Variants in TAFA1 observed in about 807,000 individuals in gnomAD.
TAFA1 encodes TAFA chemokine like family member 1, also known as chemokine-like protein TAFA-1.
Under a neutral mutation model 18.5 loss-of-function variants are expected in TAFA1, and 4 were observed. The ratio of observed to expected loss-of-function variants is 0.22; its 90% CI spans 0.11 to 0.49. TAFA1 has a LOEUF of 0.49. Among genes scored for constraint, TAFA1 ranks in the 20% least tolerant of loss-of-function variants. TAFA1 has a pLI of 0.98. For synonymous variants in TAFA1, 56 were observed against 55.2 expected (o/e 1.01, Z -0.06); for missense variants, 147 against 169.0 (o/e 0.87, Z 0.72).
chr3:68,122,865 T>G (rs2065417955), intron 2 of TAFA1, among the ~76,000 whole-genome samples: 1 of 151,688 alleles, frequency 6.6e-6, no homozygotes, highest in Admixed American at 6.6e-5. Flanking sequence ...TTTTTACATT[T>G]TCATATGTGC....
At chr3:68,400,595 C>G (rs2070467524) in intron 2 of TAFA1, among the ~76,000 whole-genome samples, 1 of 152,216 alleles carries the variant, frequency 6.6e-6, no homozygotes, top group Non-Finnish European at 1.5e-5. Context: ...CTGCTAAATT[C>G]TATTCCTCTC....
intron 2 of TAFA1, among the ~76,000 whole-genome samples, chr3:68,015,984 G>A (rs949370458): frequency 1.3e-5 from 2 of 152,186 alleles, no homozygotes; most frequent in Admixed American, 6.5e-5. Context: ...ATGCAATGTG[G>A]AGAAGGATAA....
intron 2 of TAFA1, among the ~76,000 whole-genome samples, chr3:68,365,693 C>G (rs572885892): frequency 1.3e-5 from 2 of 152,204 alleles, no homozygotes; most frequent in African/African-American, 4.8e-5. Flanking sequence ...TTCTATGTGG[C>G]TGGGGAGGCC....
intron 3 of TAFA1, among the ~76,000 whole-genome samples, chr3:68,463,742 T>C (rs761199754): frequency 9.2e-5 from 14 of 152,154 alleles, no homozygotes; most frequent in Non-Finnish European, 1.8e-4. Context: ...CTTATGACAG[T>C]TTTTTGTTTT....
intron 2 of TAFA1, among the ~76,000 whole-genome samples, chr3:68,219,599 A>C (rs1483536951): frequency 6.6e-6 from 1 of 152,028 alleles, no homozygotes; most frequent in Admixed American, 6.6e-5. Flanking sequence ...CTTTTCTCAC[A>C]TAGGGCTGTT....
rs372050804 is a variant in TAFA1 at position 68,384,426 on chromosome 3, C to T, written c.119-32854C>T. On this transcript the variant is annotated intron_variant, in intron 2 of 4. Coordinates refer to ENST00000478136, the MANE Select transcript of TAFA1 (RefSeq NM_213609.4). ...TTCTATCTTAATTTCATTATTTAAC[C>T]GAAAGCCATTCAGAGCAGGTTATTC... Among the ~76,000 whole-genome samples the T allele has an allele frequency of 1.7e-4, 26 of 152,050 alleles. No homozygotes were observed. In the East Asian group the frequency reaches 3.7e-3, roughly 21 times the overall value.
intron 2 of TAFA1, among the ~76,000 whole-genome samples, chr3:68,041,144 C>G (rs1486925979): frequency 2.0e-5 from 3 of 152,182 alleles, no homozygotes; most frequent in African/African-American, 7.2e-5. Flanking sequence ...TAAATAAAGA[C>G]ATAATCCAAA....
intron 2 of TAFA1, among the ~76,000 whole-genome samples, chr3:68,395,872 T>A (rs937720989): frequency 6.6e-6 from 1 of 151,352 alleles, no homozygotes; most frequent in African/African-American, 2.4e-5. Flanking sequence ...GGTTGATGGG[T>A]GCAGCAAACC....
At chr3:68,429,845 C>G (rs2071134161) in intron 3 of TAFA1, among the ~76,000 whole-genome samples, 1 of 151,914 alleles carries the variant, frequency 6.6e-6, no homozygotes, top group Admixed American at 6.6e-5. Flanking sequence ...GTTAATAATG[C>G]CCACCTGTGA....
At chr3:68,352,082 A>G (rs2069281019) in intron 2 of TAFA1, among the ~76,000 whole-genome samples, 1 of 152,056 alleles carries the variant, frequency 6.6e-6, no homozygotes, top group African/African-American at 2.4e-5. Context: ...GGGAGATTCC[A>G]GGAAAGTAAG....
intron 2 of TAFA1, among the ~76,000 whole-genome samples, chr3:68,233,253 G>T (rs773474749): frequency 6.6e-6 from 1 of 151,692 alleles, no homozygotes; most frequent in East Asian, 1.9e-4. Context: ...TTGGATATTA[G>T]TTCCTTATTT....
chr3:68,331,811 A>G (rs958124468), intron 2 of TAFA1, among the ~76,000 whole-genome samples: 1 of 151,754 alleles, frequency 6.6e-6, no homozygotes, highest in Non-Finnish European at 1.5e-5. Context: ...ATTGTCAATA[A>G]AGGCACCAAG....
intron 3 of TAFA1, among the ~76,000 whole-genome samples, chr3:68,438,947 G>T (rs1421420584): frequency 6.6e-6 from 1 of 152,036 alleles, no homozygotes; most frequent in Non-Finnish European, 1.5e-5. Flanking sequence ...AGAGTGTCAG[G>T]CCTGTCCCCT....
upstream of TAFA1, among the ~76,000 whole-genome samples, chr3:68,000,054 G>T (rs1243441882): frequency 6.6e-6 from 1 of 152,144 alleles, no homozygotes; most frequent in African/African-American, 2.4e-5. Flanking sequence ...CTCCCAAAGT[G>T]CTGGGATTCT....
intron 3 of TAFA1, among the ~76,000 whole-genome samples, chr3:68,511,480 A>G (rs1036645600): frequency 2.0e-5 from 3 of 152,112 alleles, no homozygotes; most frequent in Non-Finnish European, 4.4e-5. Context: ...TTATAACAAA[A>G]CGATAAAAAC....
chr3:68,074,472 G>C (rs560350174), intron 2 of TAFA1, among the ~76,000 whole-genome samples: 1 of 151,992 alleles, frequency 6.6e-6, no homozygotes, highest in Admixed American at 6.6e-5. Flanking sequence ...CTATGACCTT[G>C]GGCAAATATT....
the TAFA1 span, among the ~76,000 whole-genome samples, chr3:67,997,094 G>C: frequency 3.9e-5 from 6 of 151,950 alleles, no homozygotes; most frequent in African/African-American, 1.5e-4. Context: ...GAAGGGAAAT[G>C]GTAGGTAGAA....
intron 2 of TAFA1, among the ~76,000 whole-genome samples, chr3:68,316,307 CTGG>C (rs1289831344): frequency 6.6e-6 from 1 of 152,170 alleles, no homozygotes; most frequent in Admixed American, 6.5e-5. Context: ...TAGAAATGAA[CTGG>C]TTAAATAAAT....
At chr3:68,109,085 G>A (rs1575620656) in intron 2 of TAFA1, among the ~76,000 whole-genome samples, 1 of 151,858 alleles carries the variant, frequency 6.6e-6, no homozygotes, top group African/African-American at 2.4e-5. Context: ...AATATTTAAA[G>A]TTTTTCTCTA....
Sources: gnomAD v4.1 joint callset for allele counts (sites outside exome capture counted in the v4.1 genomes callset) on GRCh38, gnomAD v4.1.1 for gene constraint, MANE v1.5 for transcripts, NCBI Gene and HGNC (gene_info 2026-07-23, HGNC 2026-07-21) for gene names.